ZNF473: variants seen among roughly 807,000 people sequenced by gnomAD.
ZNF473 encodes zinc finger protein 473.
ZNF473 carries 4 observed loss-of-function variants against 11.1 expected under a neutral mutation model. The ratio of observed to expected loss-of-function variants is 0.36; its 90% confidence interval spans 0.18 to 0.82. ZNF473 has a LOEUF of 0.82. Ranked by LOEUF, ZNF473 falls within the 40% of genes least tolerant of loss-of-function variation. The pLI is 0.49. For missense variants in ZNF473, 854 were observed against 1,084.0 expected (o/e 0.79, Z 2.98); for synonymous variants, 404 against 390.4 (o/e 1.03, Z -0.41).
At chr19:50,028,284 C>T (rs955164590) in intron 1 of ZNF473, among the ~76,000 whole-genome samples, 4 of 143,728 alleles carry the variant, frequency 2.8e-5, no homozygotes, top group African/African-American at 7.9e-5. Flanking sequence ...GGCGACAGAA[C>T]GAGACTCCGT....
intron 4 of ZNF473, chr19:50,042,471 C>G (rs568722195): frequency 2.8e-4 from 43 of 152,404 alleles, no homozygotes; most frequent in African/African-American, 9.1e-4. Context: ...CTTGGCTCAC[C>G]ACGCTCAGGC....
In ZNF473 at chr19:50,031,179, G is replaced by A. The variant is rs79907875; in HGVS notation, c.9+88G>A. On this transcript the variant is annotated intron_variant, in intron 2 of 4. Transcript: ENST00000270617. Reference sequence around the variant, plus strand: ...TTGTGGCCGAGGCGAGTTGAAGGTCGCTCTGTGTTGATTGGTCACCCCCAT... The same window carrying A: ...TTGTGGCCGAGGCGAGTTGAAGGTCACTCTGTGTTGATTGGTCACCCCCAT... The A allele has an allele frequency of 3.0e-3, 4,614 of 1,523,306 alleles. 119 individuals carry two copies. In the African/African-American group the frequency reaches 0.057, roughly 19 times the overall value. 94.4% of individuals were successfully genotyped at this position (1,523,306 alleles called of 1,614,324 possible). A position where few individuals can be genotyped will look rare whatever the true frequency, so the allele number is the denominator to read the frequency against.
At chr19:50,042,747 C>G (rs1292025392) in intron 4 of ZNF473, 2 of 152,240 alleles carry the variant, frequency 1.3e-5, no homozygotes, top group African/African-American at 2.4e-5. Context: ...TTAGCTGATT[C>G]ACCCTGTATT....
chr19:50,046,508 C>G lies in ZNF473; in HGVS notation c.2065C>G (p.Leu689Val). ...CAGAGTCTTCACCCAGAGAAACTAC[C>G]TTGTTCAGCATGAGCGAACTCATGC... ...CDRVFTQRNY[L>V]VQHERTHARK... is the part of the protein sequence containing the mutation. The change falls in exon 5 of 5, where the codon CTT (leucine) becomes GTT (valine). Residue 689 changes from leucine (L) to valine (V), a missense_variant. By Grantham distance (32) the Leu-to-Val change is conservative (BLOSUM62 1). Transcript: ENST00000270617. This position sits in a 1 kb window ranked among gnomAD's most constrained non-coding sequence, Gnocchi z 5.9. 2 of 1,614,238 alleles carry G rather than the reference C, an allele frequency of 1.2e-6. No homozygotes were observed. Among genetic ancestry groups the G allele is most frequent in the Non-Finnish European group, 1.7e-6 (2 of 1,180,042 alleles).
chr19:50,042,142 C>T (rs1978814721), intron 4 of ZNF473: 1 of 183,238 alleles, frequency 5.5e-6, no homozygotes, highest in Non-Finnish European at 1.1e-5. Flanking sequence ...TACTTTCCTG[C>T]CTTGTGCTCC....
chr19:50,035,123 C>T (rs934869880), intron 2 of ZNF473, among the ~76,000 whole-genome samples: 6 of 152,058 alleles, frequency 3.9e-5, no homozygotes, highest in African/African-American at 1.4e-4. Context: ...GAAACCCCAT[C>T]TCTACAAAAA....
At chr19:50,040,199 G>A (rs1306694196) in intron 3 of ZNF473, among the ~76,000 whole-genome samples, 2 of 152,196 alleles carry the variant, frequency 1.3e-5, no homozygotes, top group African/African-American at 4.8e-5. Context: ...AAGGGAGGAG[G>A]TACATGGGGC....
Position 50,047,444 on chromosome 19 carries a change from A to G in ZNF473, c.*385A>G, listed in dbSNP as rs538205432. The G allele has an allele frequency of 3.7e-5, 7 of 189,546 alleles. No homozygotes were observed. Among genetic ancestry groups the G allele is most frequent in the East Asian group, 3.6e-4 (3 of 8,378 alleles). The allele number at this position is 189,546 out of a possible 1,614,324, so 11.7% of individuals were successfully genotyped here. ...AGCACTTAGAACTGATGGCCAGCAC[A>G]TGAGGGCTCACCAAGTGTAAGCCAC... On this transcript the variant is annotated 3_prime_UTR_variant, in exon 5 of 5. Transcript: ENST00000270617.
chr19:50,040,637 C>A (rs1024223501), intron 3 of ZNF473: 3 of 152,400 alleles, frequency 2.0e-5, no homozygotes, highest in African/African-American at 7.2e-5. Context: ...AAGGTCTGTG[C>A]AGCTCCAAGG....
rs541589827 is a variant in ZNF473, at chr19:50,044,310, C to T, written c.227-360C>T. 1.1e-4 allele frequency among the ~76,000 whole-genome samples: 17 copies of T among 152,080 alleles called. No homozygotes were observed. In the South Asian group the frequency reaches 2.3e-3, roughly 20 times the overall value. On this transcript the variant is annotated intron_variant, in intron 4 of 4. Transcript: ENST00000270617. ...TGGATGGATGGTGGTGTGGGGAGAG[C>T]GGGGTGTTGTCTGGGATAGAGGATG... is the stretch of plus-strand genomic sequence containing the variant.
At chr19:50,029,753 T>C (rs1041244862) in intron 1 of ZNF473, among the ~76,000 whole-genome samples, 3 of 152,196 alleles carry the variant, frequency 2.0e-5, no homozygotes, top group African/African-American at 7.2e-5. Flanking sequence ...TAAAAGAGAC[T>C]AGAATAGAAA....
rs1568412890 is a variant in ZNF473, at chr19:50,047,283, TCC to T, written c.*226_*227del. On this transcript the variant is annotated 3_prime_UTR_variant, in exon 5 of 5. Transcript: ENST00000270617. ...TGGAGCCAGTCTACCTTGAGTTAAA[TCC>T]CACCTCTGCCATCTACTACCTAAGT... 24 of 500,814 alleles carry T rather than the reference TCC, an allele frequency of 4.8e-5. No homozygotes were observed. The highest frequency in any genetic ancestry group is 6.8e-5 in the Non-Finnish European group (19 of 280,086). The allele number at this position is 500,814 out of a possible 1,614,324, so 31.0% of individuals were successfully genotyped here.
intron 3 of ZNF473, among the ~76,000 whole-genome samples, chr19:50,040,152 A>G (rs1342584182): frequency 6.6e-6 from 1 of 152,158 alleles, no homozygotes; most frequent in Non-Finnish European, 1.5e-5. Flanking sequence ...CATGGCTATG[A>G]CTTACTACAG....
chr19:50,031,511 C>T (rs10405642), intron 2 of ZNF473, among the ~76,000 whole-genome samples: 7,973 of 152,168 alleles, frequency 0.052, 689 homozygotes, highest in African/African-American at 0.18. Flanking sequence ...GAATTCCCTG[C>T]CCCTTTTCCA....
rs1227736486 is a variant in ZNF473 at position 50,046,572 on chromosome 19, C to T, written c.2129C>T (p.Thr710Met). The T allele has an allele frequency of 2.2e-5, 36 of 1,614,106 alleles. No individual in the cohort carries two copies. Among genetic ancestry groups the T allele is most frequent in the Non-Finnish European group, 2.5e-5 (30 of 1,180,054 alleles). ...KPLVCNECGKTFRQSSCLSKH... is the reference protein window; with the variant it reads ...KPLVCNECGKMFRQSSCLSKH... The stretch of plus-strand genomic sequence containing the variant: ...TTGGTGTGTAACGAATGCGGGAAAA[C>T]GTTCCGTCAGAGCTCATGCCTTTCT... The change falls in exon 5 of 5, where the codon ACG (threonine) becomes ATG (methionine). Residue 710 changes from threonine to methionine, a missense_variant. Physicochemically the swap from Thr to Met is moderately conservative, Grantham distance 81. Around this residue, in one of 2 missense-constraint regions of ZNF473, gnomAD observed 186 missense variants for 293.8 expected, o/e 0.63. Coordinates refer to ENST00000270617, the MANE Select transcript of ZNF473 (RefSeq NM_015428.4). The surrounding 1 kb of genome is among the most constrained non-coding windows in gnomAD (Gnocchi z 5.9).
intron 1 of ZNF473, among the ~76,000 whole-genome samples, chr19:50,027,635 A>G (rs577832689): frequency 3.3e-5 from 5 of 152,222 alleles, no homozygotes; most frequent in African/African-American, 1.2e-4. Flanking sequence ...ACATACAGGA[A>G]AGAAGAGAAC....
intron 4 of ZNF473, 124 bp from the exon 5 acceptor site, chr19:50,044,546 C>A (rs1352141880): frequency 2.7e-6 from 2 of 749,194 alleles, no homozygotes; most frequent in Non-Finnish European, 4.4e-6. Flanking sequence ...GATGCCAGTT[C>A]CACATGGGTC....
At chr19:50,026,515 C>T (rs1186677639) in intron 1 of ZNF473, among the ~76,000 whole-genome samples, 1 of 147,606 alleles carries the variant, frequency 6.8e-6, no homozygotes, top group Non-Finnish European at 1.5e-5. Flanking sequence ...CGCGCCATTG[C>T]ACTCCAGCCT....
At chr19:50,036,443 A>T (rs906340801) in intron 2 of ZNF473, among the ~76,000 whole-genome samples, 3 of 148,700 alleles carry the variant, frequency 2.0e-5, no homozygotes, top group Non-Finnish European at 3.0e-5. Flanking sequence ...CCTCCCGAGT[A>T]GCTGGGACTA....
Sources: gnomAD v4.1 joint callset for allele counts (sites outside exome capture counted in the v4.1 genomes callset) on GRCh38, gnomAD v4.1.1 for gene constraint, gnomAD v4.1.1 regional missense constraint, Gnocchi (gnomAD v3.1) non-coding constraint, MANE v1.5 for transcripts, NCBI Gene and HGNC (gene_info 2026-07-23, HGNC 2026-07-21) for gene names.